The following SHISA6 variants were observed in gnomAD, a reference collection of about 807,000 sequenced individuals.
SHISA6 encodes shisa family member 6, also known as protein shisa-6.
A neutral mutation model predicts 47.9 loss-of-function variants in SHISA6; 22 were observed. The ratio of observed to expected loss-of-function variants is 0.46; its 90% CI spans 0.33 to 0.66. The LOEUF (loss-of-function observed/expected upper bound fraction) is 0.66, where lower values mean the gene tolerates loss of function less well. Ranked by LOEUF, SHISA6 falls within the 30% of genes least tolerant of loss-of-function variation. The pLI, the probability that SHISA6 is intolerant of heterozygous loss-of-function variation, is 0.02. For missense variants in SHISA6, 680 were observed against 764.6 expected (o/e 0.89, Z 1.30); for synonymous variants, 388 against 337.8 (o/e 1.15, Z -1.63).
intron 3 of SHISA6, among the ~76,000 whole-genome samples, chr17:11,449,985 C>T (rs989814084): frequency 1.3e-5 from 2 of 152,160 alleles, no homozygotes; most frequent in East Asian, 1.9e-4. Context: ...CCTGGGTTCA[C>T]GCCATTCTCC....
chr17:11,473,953 C>T lies in SHISA6; in HGVS notation c.896-77943C>T, dbSNP rs552327709. Among the ~76,000 whole-genome samples, 8 of 152,204 alleles carry T rather than the reference C, an allele frequency of 5.3e-5. No homozygotes were observed. In the East Asian group the frequency reaches 1.5e-3, roughly 29 times the overall value. On this transcript the variant is annotated intron_variant, in intron 3 of 5. Transcript: ENST00000441885. The stretch of plus-strand genomic sequence containing the variant: ...GCCCCAGTGTGTGTTGTCCCCCTCC[C>T]TTTGTCCATATGTTCTCATTGTTCA...
At chr17:11,360,566 G>GA (rs1172751262) in intron 2 of SHISA6, among the ~76,000 whole-genome samples, 304 of 128,162 alleles carry the variant, frequency 2.4e-3, no homozygotes, top group Middle Eastern at 4.0e-3. Context: ...TCTCAAGAAG[G>GA]AAAAAAAAAA....
intron 1 of SHISA6, among the ~76,000 whole-genome samples, chr17:11,252,859 T>C: frequency 6.6e-6 from 1 of 152,196 alleles, no homozygotes; most frequent in Non-Finnish European, 1.5e-5. Flanking sequence ...GTTGGACTCA[T>C]AGTTAGCTGT....
intron 3 of SHISA6, among the ~76,000 whole-genome samples, chr17:11,446,541 A>G (rs4792139): frequency 0.14 from 21,704 of 152,260 alleles, 1,818 homozygotes; most frequent in African/African-American, 0.2. Context: ...CCAGAAAGGC[A>G]GCTGTCAGCA....
At chr17:11,386,988 G>A (rs1597487873) in intron 3 of SHISA6, among the ~76,000 whole-genome samples, 1 of 152,294 alleles carries the variant, frequency 6.6e-6, no homozygotes, top group East Asian at 1.9e-4. Flanking sequence ...CTGCCAGTCT[G>A]GCTTCAAAGC....
chr17:11,506,742 C>T (rs2071501963), intron 3 of SHISA6, among the ~76,000 whole-genome samples: 1 of 152,174 alleles, frequency 6.6e-6, no homozygotes, highest in Non-Finnish European at 1.5e-5. Flanking sequence ...CTGCTGTGAG[C>T]TTTTTATAAA....
chr17:11,411,842 G>T (rs28622253), intron 3 of SHISA6, among the ~76,000 whole-genome samples: 28,121 of 152,156 alleles, frequency 0.18, 2,936 homozygotes, highest in Middle Eastern at 0.27. Flanking sequence ...TGGGTAGCTG[G>T]AGTTTTATTG....
At chr17:11,476,700 G>A (rs1916060349) in intron 3 of SHISA6, among the ~76,000 whole-genome samples, 1 of 151,876 alleles carries the variant, frequency 6.6e-6, no homozygotes, top group Non-Finnish European at 1.5e-5. Context: ...CTTGGTGAGT[G>A]CTCCATGTGA....
At chr17:11,518,450 C>T (rs2071602820) in intron 3 of SHISA6, among the ~76,000 whole-genome samples, 1 of 152,114 alleles carries the variant, frequency 6.6e-6, no homozygotes, top group Admixed American at 6.5e-5. Context: ...AGGAAACACA[C>T]ACACACACAC....
intron 2 of SHISA6, among the ~76,000 whole-genome samples, chr17:11,273,476 G>A (rs1187770665): frequency 6.6e-6 from 1 of 152,216 alleles, no homozygotes; most frequent in African/African-American, 2.4e-5. Flanking sequence ...GCCATGCAAC[G>A]AGCTGCTCAC....
intron 3 of SHISA6, among the ~76,000 whole-genome samples, chr17:11,473,409 C>T (rs553348965): frequency 1.2e-4 from 18 of 152,080 alleles, no homozygotes; most frequent in South Asian, 6.2e-4. Flanking sequence ...AATTCTGACT[C>T]GAAGATGACA....
chr17:11,431,061 G>T (rs1914758416), intron 3 of SHISA6, among the ~76,000 whole-genome samples: 2 of 152,190 alleles, frequency 1.3e-5, no homozygotes, highest in Admixed American at 1.3e-4. Flanking sequence ...AATCTGGGGA[G>T]GGACTGAAGC....
chr17:11,251,445 A>G (rs1024477271), intron 1 of SHISA6, among the ~76,000 whole-genome samples: 6 of 152,092 alleles, frequency 3.9e-5, no homozygotes, highest in Non-Finnish European at 7.4e-5. Flanking sequence ...ACTTGACAAT[A>G]TTGAAAGAAC....
intron 3 of SHISA6, among the ~76,000 whole-genome samples, chr17:11,414,029 C>T (rs1914210237): frequency 6.6e-6 from 1 of 151,434 alleles, no homozygotes; most frequent in Non-Finnish European, 1.5e-5. Flanking sequence ...TCTACCTTTT[C>T]CTCTTCTCCT....
At chr17:11,521,697 G>C (rs985535068) in intron 3 of SHISA6, among the ~76,000 whole-genome samples, 1 of 152,076 alleles carries the variant, frequency 6.6e-6, no homozygotes, top group Non-Finnish European at 1.5e-5. Context: ...CAGCTATCCA[G>C]GAGGCTGAGA....
intron 2 of SHISA6, among the ~76,000 whole-genome samples, chr17:11,374,550 G>T (rs189500939): frequency 2.0e-5 from 3 of 151,786 alleles, no homozygotes; most frequent in African/African-American, 7.3e-5. Context: ...GTTTATGTTT[G>T]TATATTTTTC....
intron 2 of SHISA6, among the ~76,000 whole-genome samples, chr17:11,330,360 C>T (rs1455574819): frequency 6.6e-6 from 1 of 152,078 alleles, no homozygotes; most frequent in African/African-American, 2.4e-5. Flanking sequence ...ATGAAAAGCT[C>T]ACATCTGTTC....
intron 2 of SHISA6, among the ~76,000 whole-genome samples, chr17:11,342,479 A>G (rs1335698536): frequency 6.6e-6 from 1 of 152,126 alleles, no homozygotes; most frequent in African/African-American, 2.4e-5. Flanking sequence ...CAGACCCTGC[A>G]AAGGGTCTTC....
intron 3 of SHISA6, among the ~76,000 whole-genome samples, chr17:11,431,719 A>C (rs2142290154): frequency 6.6e-6 from 1 of 152,294 alleles, no homozygotes; most frequent in South Asian, 2.1e-4. Flanking sequence ...CTTAAACCTA[A>C]GTTATTCAGT....
Sources: allele counts gnomAD v4.1 joint callset (sites outside exome capture counted in the v4.1 genomes callset), GRCh38; gene constraint gnomAD v4.1.1; transcripts MANE v1.5; gene names NCBI Gene and HGNC (gene_info 2026-07-23, HGNC 2026-07-21).